Variants in STAG1 observed in about 807,000 individuals in gnomAD.
STAG1 encodes the protein cohesin subunit SA-1.
In STAG1, 26 loss-of-function variants were observed where a neutral mutation model predicts 170.9. That is an observed-to-expected ratio of 0.15 (90% confidence interval 0.11 to 0.21). The LOEUF is 0.21. Ranked by LOEUF, STAG1 falls within the 10% of genes least tolerant of loss-of-function variation. STAG1 has a pLI of 1.00. For synonymous variants in STAG1, 514 were observed against 497.7 expected, an observed-to-expected ratio of 1.03 and a Z score of -0.44; for missense variants, 964 against 1,509.5, an observed-to-expected ratio of 0.64 and a Z score of 5.99.
At chr3:136,527,625 C>T (rs1419301108) in intron 6 of STAG1, among the ~76,000 whole-genome samples, 7 of 152,146 alleles carry the variant, frequency 4.6e-5, no homozygotes, top group African/African-American at 9.7e-5. Flanking sequence ...CCGTTACTGA[C>T]GAGGAGCTGT....
intron 1 of STAG1, among the ~76,000 whole-genome samples, chr3:136,722,984 T>A (rs1933389878): frequency 6.6e-6 from 1 of 152,234 alleles, no homozygotes; most frequent in Admixed American, 6.5e-5. Flanking sequence ...GGAGTCTGGT[T>A]CACTCAGTGC....
chr3:136,561,718 T>C (rs544272518), intron 5 of STAG1, among the ~76,000 whole-genome samples: 1 of 152,226 alleles, frequency 6.6e-6, no homozygotes, highest in Non-Finnish European at 1.5e-5. Context: ...ATATCCAATA[T>C]AATGTTAAAT....
rs371308969 is a variant in STAG1 at position 136,623,273 on chromosome 3, C to T, written c.30-25G>A. 78 of 1,592,424 alleles carry T rather than the reference C, an allele frequency of 4.9e-5. No homozygotes were observed. The African/African-American group carries it at 9.2e-4, about 19-fold the overall frequency. ...CCTAGAAAATGTTATATTATTTTAGCGAACAAATTAATAAGTATAATGCAT... is the reference window on the plus strand; with the variant it reads ...CCTAGAAAATGTTATATTATTTTAGTGAACAAATTAATAAGTATAATGCAT... On this transcript the variant is annotated intron_variant, in intron 2 of 33. Transcript: ENST00000383202.
intron 1 of STAG1, among the ~76,000 whole-genome samples, chr3:136,694,378 G>A (rs2107900850): frequency 6.6e-6 from 1 of 152,178 alleles, no homozygotes; most frequent in African/African-American, 2.4e-5. Context: ...CATTCTGGAA[G>A]GCTGAGGCAG....
intron 6 of STAG1, among the ~76,000 whole-genome samples, chr3:136,529,254 G>A (rs752659423): frequency 2.4e-4 from 37 of 152,128 alleles, no homozygotes; most frequent in African/African-American, 8.7e-4. Context: ...ATAATAGATG[G>A]AAACTTCCCA....
At chr3:136,739,011 T>C (rs897723305) in intron 1 of STAG1, among the ~76,000 whole-genome samples, 2 of 152,172 alleles carry the variant, frequency 1.3e-5, no homozygotes, top group Non-Finnish European at 1.5e-5. Flanking sequence ...AGTAATGTCC[T>C]ACCCAAGATA....
Position 136,522,539 on chromosome 3 carries a change from C to A in STAG1, c.472-1122G>T, listed in dbSNP as rs1051834630. On this transcript the variant is annotated intron_variant, in intron 6 of 33. Transcript: ENST00000383202. ...ATAGTAGAGTTCCTCTTGTTTTTTTCTTTTTTTGCTGTTCTTTTTTGTTTT... is the reference window on the plus strand; with the variant it reads ...ATAGTAGAGTTCCTCTTGTTTTTTTATTTTTTTGCTGTTCTTTTTTGTTTT... Among the ~76,000 whole-genome samples the A allele has an allele frequency of 8.0e-5, 12 of 149,952 alleles. No individual in the cohort carries two copies. In the South Asian group the frequency reaches 1.3e-3, roughly 16 times the overall value.
At chr3:136,436,783 C>T (rs1273941940) in intron 15 of STAG1, among the ~76,000 whole-genome samples, 1 of 151,604 alleles carries the variant, frequency 6.6e-6, no homozygotes, top group African/African-American at 2.4e-5. Flanking sequence ...AAAGAAAAGG[C>T]AAAAAAGATA....
intron 1 of STAG1, among the ~76,000 whole-genome samples, chr3:136,660,603 T>C (rs1400060064): frequency 6.6e-6 from 1 of 152,192 alleles, no homozygotes; most frequent in Non-Finnish European, 1.5e-5. Context: ...AGACTTTAAA[T>C]TAATGTGATA....
chr3:136,424,020 T>C lies in STAG1; in HGVS notation c.1651-976A>G, dbSNP rs149137581. On this transcript the variant is annotated intron_variant, in intron 16 of 33. Coordinates refer to ENST00000383202, the MANE Select transcript of STAG1 (RefSeq NM_005862.3). ...CTGGGACTATGGGTATGTCCTACCA[T>C]GCATGGCTAATTTTTGTATTTTTGT... Among the ~76,000 whole-genome samples, 263 of 152,030 alleles carry C rather than the reference T, an allele frequency of 1.7e-3. 1 individual carries two copies. The highest frequency in any genetic ancestry group is 6.0e-3 in the African/African-American group (247 of 41,470).
intron 4 of STAG1, among the ~76,000 whole-genome samples, chr3:136,590,994 G>GC: frequency 6.8e-6 from 1 of 147,144 alleles, no homozygotes; most frequent in East Asian, 2.0e-4. Context: ...GTGTTGTTTT[G>GC]TTTTTTTTTG....
At chr3:136,616,263 C>A (rs1349920343) in intron 3 of STAG1, among the ~76,000 whole-genome samples, 1 of 130,482 alleles carries the variant, frequency 7.7e-6, no homozygotes, top group African/African-American at 3.2e-5. Context: ...AGCAAGACTC[C>A]GTCTCAAAAA....
chr3:136,448,493 C>T (rs2088848270), intron 14 of STAG1, among the ~76,000 whole-genome samples: 1 of 152,184 alleles, frequency 6.6e-6, no homozygotes. Context: ...TCTCGTGAGA[C>T]TTACTACCAT....
intron 4 of STAG1, among the ~76,000 whole-genome samples, chr3:136,591,957 GA>G (rs773938250): frequency 6.6e-6 from 1 of 152,166 alleles, no homozygotes; most frequent in Non-Finnish European, 1.5e-5. Context: ...CCAAGAGTAA[GA>G]AAGAATATTA....
intron 1 of STAG1, among the ~76,000 whole-genome samples, chr3:136,640,702 C>A (rs1172963713): frequency 7.7e-5 from 11 of 142,150 alleles, no homozygotes; most frequent in Non-Finnish European, 3.0e-5. Context: ...TAGACAGAGT[C>A]TTGCTCGCCA....
At chr3:136,668,805 T>A (rs1941894277) in intron 1 of STAG1, among the ~76,000 whole-genome samples, 1 of 152,196 alleles carries the variant, frequency 6.6e-6, no homozygotes, top group African/African-American at 2.4e-5. Flanking sequence ...GCTCTGCAGC[T>A]GGAAGCTATC....
At chr3:136,491,289 C>G (rs2090120739) in intron 9 of STAG1, among the ~76,000 whole-genome samples, 1 of 152,018 alleles carries the variant, frequency 6.6e-6, no homozygotes, top group South Asian at 2.1e-4. Flanking sequence ...AAGGGCTTCT[C>G]TCTTTTCCTG....
intron 1 of STAG1, among the ~76,000 whole-genome samples, chr3:136,644,732 T>C (rs1940937033): frequency 6.6e-6 from 1 of 152,150 alleles, no homozygotes; most frequent in South Asian, 2.1e-4. Context: ...TTTTCTGCTT[T>C]TATTTTTTGA....
chr3:136,679,798 T>C (rs1487805162), intron 1 of STAG1, among the ~76,000 whole-genome samples: 2 of 144,828 alleles, frequency 1.4e-5, no homozygotes, highest in Non-Finnish European at 3.0e-5. Flanking sequence ...GCTACTCAGG[T>C]GGCTGAGGCA....
Sources: gnomAD v4.1 joint callset for allele counts (sites outside exome capture counted in the v4.1 genomes callset) on GRCh38, gnomAD v4.1.1 for gene constraint, MANE v1.5 for transcripts, NCBI Gene and HGNC (gene_info 2026-07-23, HGNC 2026-07-21) for gene names.